SPMIP3: variants seen among roughly 807,000 people sequenced by gnomAD.
The protein encoded by SPMIP3 is sperm microtubule inner protein 3, also known as protein SPMIP3.
chr1:244,369,765 G>T, the SPMIP3 span, among the ~76,000 whole-genome samples: 2 of 152,180 alleles, frequency 1.3e-5, no homozygotes, highest in African/African-American at 4.8e-5. Flanking sequence ...GGAAGAACTG[G>T]TTAGGACTAG....
chr1:244,375,137 G>T, the SPMIP3 span: 1 of 313,814 alleles, frequency 3.2e-6, no homozygotes, highest in Non-Finnish European at 5.9e-6. Flanking sequence ...AGATGCGGGA[G>T]GTTGTGGTGG....
the SPMIP3 span, among the ~76,000 whole-genome samples, chr1:244,353,841 A>G: frequency 2.0e-5 from 3 of 152,186 alleles, no homozygotes; most frequent in Non-Finnish European, 4.4e-5. Flanking sequence ...AAAGTAACTC[A>G]TTGCTGCGAG....
At chr1:244,386,032 ACACAC>A in the SPMIP3 span, among the ~76,000 whole-genome samples, 12 of 151,386 alleles carry the variant, frequency 7.9e-5, no homozygotes, top group African/African-American at 2.7e-4. Flanking sequence ...ACACACACAC[ACACAC>A]AAATTAGCTC....
At chr1:244,366,772 C>T in the SPMIP3 span, among the ~76,000 whole-genome samples, 5 of 151,950 alleles carry the variant, frequency 3.3e-5, no homozygotes, top group African/African-American at 9.7e-5. Context: ...CCCAGCTACT[C>T]GGGAAGCTGA....
the SPMIP3 span, among the ~76,000 whole-genome samples, chr1:244,367,250 T>A: frequency 2.0e-4 from 30 of 152,170 alleles, no homozygotes; most frequent in African/African-American, 7.0e-4. Context: ...CTGGGTTTTA[T>A]GCTATTATAC....
At chr1:244,363,586 C>G in the SPMIP3 span, among the ~76,000 whole-genome samples, 22 of 152,172 alleles carry the variant, frequency 1.4e-4, no homozygotes, top group Non-Finnish European at 3.1e-4. Context: ...GCATCTAGAA[C>G]ATCTCCACAA....
the SPMIP3 span, chr1:244,378,644 G>A: frequency 6.0e-5 from 96 of 1,611,440 alleles, no homozygotes; most frequent in Middle Eastern, 3.3e-4. Context: ...AGATTGGTAA[G>A]TCAGGCCAAC....
At chr1:244,366,817 T>G in the SPMIP3 span, among the ~76,000 whole-genome samples, 1 of 151,912 alleles carries the variant, frequency 6.6e-6, no homozygotes, top group Non-Finnish European at 1.5e-5. Flanking sequence ...GAGGCAGAGG[T>G]TGCGATGAGC....
At chr1:244,376,817 CT>C in the SPMIP3 span, among the ~76,000 whole-genome samples, 199 of 145,868 alleles carry the variant, frequency 1.4e-3, no homozygotes, top group Non-Finnish European at 1.4e-3. Context: ...CAGCATCCCC[CT>C]TTTTTTTTTT....
the SPMIP3 span, among the ~76,000 whole-genome samples, chr1:244,380,822 A>C: frequency 2.6e-5 from 4 of 152,068 alleles, no homozygotes; most frequent in African/African-American, 9.7e-5. Flanking sequence ...CAGGAAGATC[A>C]GGAAAAGGGA....
At chr1:244,386,530 GC>G in the SPMIP3 span, among the ~76,000 whole-genome samples, 1 of 152,264 alleles carries the variant, frequency 6.6e-6, no homozygotes, top group South Asian at 2.1e-4. Context: ...CCATCGTACA[GC>G]CTGCAAGGAT....
At chr1:244,355,512 C>T in the SPMIP3 span, among the ~76,000 whole-genome samples, 4 of 151,892 alleles carry the variant, frequency 2.6e-5, no homozygotes, top group Admixed American at 6.6e-5. Flanking sequence ...CTCAGCCTCC[C>T]GAGTAGCTGA....
the SPMIP3 span, among the ~76,000 whole-genome samples, chr1:244,361,212 A>ACATTTCTT: frequency 2.9e-5 from 4 of 138,930 alleles, no homozygotes; most frequent in Admixed American, 3.1e-4. Flanking sequence ...AATTTATCGT[A>ACATTTCTT]CATTTCTTTT....
the SPMIP3 span, among the ~76,000 whole-genome samples, chr1:244,380,941 A>G: frequency 6.6e-6 from 1 of 151,806 alleles, no homozygotes; most frequent in African/African-American, 2.4e-5. Flanking sequence ...AGCAGGGCAA[A>G]GCTGGGTTCT....
the SPMIP3 span, among the ~76,000 whole-genome samples, chr1:244,379,520 G>A: frequency 2.6e-5 from 4 of 152,180 alleles, no homozygotes; most frequent in Admixed American, 2.6e-4. Flanking sequence ...ACTCTTCACT[G>A]AGCCCCTTGT....
chr1:244,365,922 G>C, the SPMIP3 span, among the ~76,000 whole-genome samples: 2 of 152,132 alleles, frequency 1.3e-5, no homozygotes, highest in Non-Finnish European at 2.9e-5. Context: ...CTAAGGAGCT[G>C]TTTCGCTCTT....
the SPMIP3 span, among the ~76,000 whole-genome samples, chr1:244,369,918 G>A: frequency 3.6e-3 from 547 of 152,246 alleles, 4 homozygotes; most frequent in African/African-American, 0.013. Context: ...GAAAGGGGAA[G>A]ATGGCGCCTC....
At chr1:244,376,392 C>A in the SPMIP3 span, 1 of 152,198 alleles carries the variant, frequency 6.6e-6, no homozygotes, top group Non-Finnish European at 1.5e-5. Context: ...GCTACTCACT[C>A]GTTTAGATTT....
the SPMIP3 span, among the ~76,000 whole-genome samples, chr1:244,354,646 C>G: frequency 6.6e-6 from 1 of 152,214 alleles, no homozygotes; most frequent in Non-Finnish European, 1.5e-5. Flanking sequence ...CAGGCATAAG[C>G]CACCATGGCT....
Sources: allele counts gnomAD v4.1 joint callset (sites outside exome capture counted in the v4.1 genomes callset), GRCh38; gene constraint gnomAD v4.1.1; transcripts MANE v1.5; gene names NCBI Gene and HGNC (gene_info 2026-07-23, HGNC 2026-07-21).